Variants in PIAS4 observed in about 807,000 individuals in gnomAD.
PIAS4 encodes the protein protein inhibitor of activated STAT 4.
PIAS4 carries 7 observed loss-of-function variants against 58.0 expected under a neutral mutation model. The observed-to-expected ratio is 0.12, with a 90% CI of 0.07 to 0.23. The LOEUF (loss-of-function observed/expected upper bound fraction) is 0.23. PIAS4 is among the 10% of genes least tolerant of loss of function. The pLI, the probability that PIAS4 is intolerant of heterozygous loss-of-function variation, is 1.00. For missense variants in PIAS4, 550 were observed against 709.5 expected, an observed-to-expected ratio of 0.78 and a Z score of 2.55; for synonymous variants, 364 against 312.4, an observed-to-expected ratio of 1.17 and a Z score of -1.74.
intron 7 of PIAS4, among the ~76,000 whole-genome samples, 171 bp downstream of exon 7, chr19:4,029,207 C>T (rs573252208): frequency 1.3e-5 from 2 of 152,138 alleles, no homozygotes; most frequent in Non-Finnish European, 2.9e-5. Flanking sequence ...CTGGAGGATA[C>T]GGATGGCAGA....
intron 3 of PIAS4, among the ~76,000 whole-genome samples, 184 bp downstream of exon 3, chr19:4,024,304 C>CTGGCTG (rs2040140883): frequency 6.6e-6 from 1 of 152,242 alleles, no homozygotes; most frequent in African/African-American, 2.4e-5. Flanking sequence ...GTCTCAGGTG[C>CTGGCTG]TGGCCTGTGT....
intron 7 of PIAS4, among the ~76,000 whole-genome samples, chr19:4,031,660 G>A (rs868592177): frequency 3.3e-5 from 5 of 152,174 alleles, no homozygotes; most frequent in East Asian, 1.9e-4. Flanking sequence ...ACCAGAGCCC[G>A]CAGTGCTGGG....
chr19:4,008,684 C>T (rs1394636262), intron 1 of PIAS4, among the ~76,000 whole-genome samples: 1 of 152,150 alleles, frequency 6.6e-6, no homozygotes, highest in East Asian at 1.9e-4. Context: ...GGGCTCTAAA[C>T]CTCACCTGTG....
intron 7 of PIAS4, among the ~76,000 whole-genome samples, chr19:4,031,683 A>G (rs2040224017): frequency 6.6e-6 from 1 of 152,132 alleles, no homozygotes; most frequent in Non-Finnish European, 1.5e-5. Flanking sequence ...CTGTGGGGTC[A>G]GGCTTCCTCT....
intron 3 of PIAS4, among the ~76,000 whole-genome samples, chr19:4,025,280 C>T (rs991524147): frequency 1.3e-5 from 2 of 152,022 alleles, no homozygotes; most frequent in African/African-American, 4.8e-5. Flanking sequence ...GGGGCAGGGT[C>T]GTCCTCAGAT....
chr19:4,014,949 G>A (rs952872900), intron 2 of PIAS4, among the ~76,000 whole-genome samples: 3 of 152,222 alleles, frequency 2.0e-5, no homozygotes, highest in African/African-American at 4.8e-5. Flanking sequence ...AGGTGCTGTC[G>A]GTGGTTCCTG....
At chr19:4,008,483 A>T (rs1218440431) in intron 1 of PIAS4, among the ~76,000 whole-genome samples, 1 of 151,988 alleles carries the variant, frequency 6.6e-6, no homozygotes, top group African/African-American at 2.4e-5. Context: ...ACCGTCTCTC[A>T]CACGCCGGAG....
chr19:4,007,885 G>A (rs1167503190), intron 1 of PIAS4, 98 bp downstream of exon 1: 20 of 934,302 alleles, frequency 2.1e-5, no homozygotes, highest in African/African-American at 8.7e-5. Flanking sequence ...GGGCCCCACA[G>A]CGCGGCCGGC....
Position 4,037,294 on chromosome 19 carries a change from A to G in PIAS4, c.1143-80A>G. The G allele has an allele frequency of 1.3e-6, 2 of 1,499,442 alleles. No homozygotes were observed. The highest frequency in any genetic ancestry group is 1.8e-6 in the Non-Finnish European group (2 of 1,121,850). The allele number at this position is 1,499,442 out of a possible 1,614,324, so 92.9% of individuals were successfully genotyped here. On this transcript the variant is annotated intron_variant, in intron 9 of 10. Transcript: ENST00000262971. The surrounding 1 kb of genome is among the most constrained non-coding windows in gnomAD (Gnocchi z 5.8). ...AGAGAAGTGGGGAGTGCCTGGCTGC[A>G]TCCGGGAGGGATGGAGGGCTGGGGA...
intron 2 of PIAS4, among the ~76,000 whole-genome samples, chr19:4,023,299 C>T (rs980805855): frequency 2.0e-5 from 3 of 151,842 alleles, no homozygotes; most frequent in Non-Finnish European, 2.9e-5. Flanking sequence ...GCCAACATGG[C>T]GAAATCCCAT....
intron 2 of PIAS4, among the ~76,000 whole-genome samples, chr19:4,015,813 C>T (rs561436565): frequency 1.1e-4 from 16 of 152,334 alleles, no homozygotes; most frequent in East Asian, 7.7e-4. Flanking sequence ...TCTGTTTCCC[C>T]GGAATAGCCG....
At chr19:4,036,600 ACAC>A (rs2040291959) in intron 9 of PIAS4, among the ~76,000 whole-genome samples, 1 of 147,084 alleles carries the variant, frequency 6.8e-6, no homozygotes, top group Non-Finnish European at 1.5e-5. Context: ...TCATACACAC[ACAC>A]ATCTATACAG....
In PIAS4 at chr19:4,038,059, A is replaced by C. The variant is rs1599237471; in HGVS notation, c.*184A>C. ...TCTCCTATCGGGGGATTAAAAAAAA[A>C]AGTAAAATGACAAAAAAAGATACAA... On this transcript the variant is annotated 3_prime_UTR_variant, in exon 11 of 11. Transcript: ENST00000262971. This position sits in a 1 kb window ranked among gnomAD's most constrained non-coding sequence, Gnocchi z 4.1. 1 of 566,244 alleles carries C rather than the reference A, an allele frequency of 1.8e-6. No homozygotes were observed. Among genetic ancestry groups the C allele is most frequent in the African/African-American group, 2.0e-5 (1 of 50,176 alleles). The allele number at this position is 566,244 out of a possible 1,614,324, so 35.1% of individuals were successfully genotyped here. A position where few individuals can be genotyped will look rare whatever the true frequency, so the allele number is the denominator to read the frequency against.
intron 4 of PIAS4, 157 bp from the exon 5 acceptor site, chr19:4,028,353 C>A: frequency 1.3e-6 from 1 of 792,584 alleles, no homozygotes; most frequent in Non-Finnish European, 2.1e-6. Context: ...ACCATCCGAC[C>A]CCCACTCAGG....
intron 2 of PIAS4, among the ~76,000 whole-genome samples, chr19:4,017,307 C>A (rs923764668): frequency 6.6e-6 from 1 of 152,200 alleles, no homozygotes; most frequent in Admixed American, 6.5e-5. Context: ...GCCCCCTGCC[C>A]TGCCCAGCCC....
At position 4,028,582 on chromosome 19, in the gene PIAS4, C is replaced by T; in HGVS notation, c.654C>T (p.His218=). ...CCAACATCGCTGTGAAGGTCAACCA[C>T]AGCTACTGCTCCGTCCCGGTGAGCA... ...YPPNIAVKVN[H]SYCSVPGYYP... Residue 218 remains histidine, a synonymous_variant, in exon 5 of 11, where the codon CAC becomes CAT. Transcript: ENST00000262971. The T allele has an allele frequency of 1.2e-6, 2 of 1,613,002 alleles. No individual in the cohort carries two copies. The highest frequency in any genetic ancestry group is 1.7e-6 in the Non-Finnish European group (2 of 1,179,902).
chr19:4,028,751 A>G lies in PIAS4; in HGVS notation c.704A>G (p.Glu235Gly). The change falls in exon 6 of 11, where the codon GAG (glutamate) becomes GGG (glycine). Residue 235 changes from glutamate (E) to glycine (G), a missense_variant. Transcript: ENST00000262971. ...TACCCCTCCAATAAGCCCGGGGTGG[A>G]GCCCAAGAGGCCGTGCCGCCCCATC... The part of the protein sequence containing the change: ...GYYPSNKPGV[E>G]PKRPCRPINL... 1 of 1,612,894 alleles carries G rather than the reference A, an allele frequency of 6.2e-7. No homozygotes were observed. The highest frequency in any genetic ancestry group is 2.2e-5 in the East Asian group (1 of 44,856).
chr19:4,009,132 C>T (rs998027007), intron 1 of PIAS4, among the ~76,000 whole-genome samples: 2 of 152,030 alleles, frequency 1.3e-5, no homozygotes, highest in East Asian at 3.9e-4. Flanking sequence ...GGTTAGGGGA[C>T]CTCTCCCTCC....
At chr19:4,022,346 G>A (rs1277498969) in intron 2 of PIAS4, among the ~76,000 whole-genome samples, 2 of 151,828 alleles carry the variant, frequency 1.3e-5, no homozygotes, top group African/African-American at 4.8e-5. Context: ...TGTTGTTGTT[G>A]TTGTTTTTGG....
Sources: allele counts gnomAD v4.1 joint callset (sites outside exome capture counted in the v4.1 genomes callset), GRCh38; gene constraint gnomAD v4.1.1; non-coding constraint Gnocchi (gnomAD v3.1); transcripts MANE v1.5; gene names NCBI Gene and HGNC (gene_info 2026-07-23, HGNC 2026-07-21).